TRAPPC12: variants seen among roughly 807,000 people sequenced by gnomAD.
TRAPPC12 encodes the protein trafficking protein particle complex subunit 12.
In TRAPPC12, 61 loss-of-function variants were observed where a neutral mutation model predicts 69.2. That is an observed-to-expected ratio of 0.88 (90% CI 0.72 to 1.09). The LOEUF (loss-of-function observed/expected upper bound fraction) is 1.09, where lower values mean the gene tolerates loss of function less well. Among genes scored for constraint, TRAPPC12 ranks in the 50% least tolerant of loss-of-function variants. TRAPPC12 has a pLI of 0.00. For missense variants in TRAPPC12, 1,101 were observed against 1,016.4 expected, an observed-to-expected ratio of 1.08 and a Z score of -1.13; for synonymous variants, 469 against 438.9, an observed-to-expected ratio of 1.07 and a Z score of -0.86.
At chr2:3,407,838 A>G (rs1028904978) in intron 3 of TRAPPC12, among the ~76,000 whole-genome samples, 11 of 152,148 alleles carry the variant, frequency 7.2e-5, no homozygotes, top group Non-Finnish European at 1.5e-5. Flanking sequence ...GAGGGCCACC[A>G]GGAAGGGGAA....
chr2:3,387,592 G>T, intron 1 of TRAPPC12, 28 bp from the exon 2 acceptor site: 1 of 1,487,152 alleles, frequency 6.7e-7, no homozygotes. Flanking sequence ...ATCACGCTCA[G>T]GGGCCTTCTC....
chr2:3,432,662 C>T (rs956043707), intron 5 of TRAPPC12, among the ~76,000 whole-genome samples: 4 of 152,196 alleles, frequency 2.6e-5, no homozygotes, highest in Admixed American at 2.0e-4. Context: ...TTTATTTGTT[C>T]GGAGAAGGCT....
In TRAPPC12 at chr2:3,388,355, C is replaced by T. The variant is rs1055218864; in HGVS notation, c.732C>T (p.Ala244=). ...GCAATCCCGGCGCGGGCTCCCCGGCCCCCGCCAGCCCGCCTCCCCTCGCTG... is the reference window on the plus strand; with the variant it reads ...GCAATCCCGGCGCGGGCTCCCCGGCTCCCGCCAGCCCGCCTCCCCTCGCTG... ...SVSNPGAGSP[A]PASPPPLAVP... Residue 244 remains alanine, a synonymous_variant, in exon 2 of 12, where the codon GCC becomes GCT. Coordinates refer to ENST00000324266, the MANE Select transcript of TRAPPC12 (RefSeq NM_016030.6). 8.2e-6 allele frequency: 13 copies of T among 1,593,090 alleles called. No individual in the cohort carries two copies. The African/African-American group carries it at 1.8e-4, about 22-fold the overall frequency.
At chr2:3,462,943 C>G (rs939103537) in intron 8 of TRAPPC12, 5 of 471,044 alleles carry the variant, frequency 1.1e-5, no homozygotes, top group Admixed American at 9.4e-5. Context: ...TTCCGTCTTG[C>G]TGAAATTAGA....
chr2:3,405,781 A>T (rs920064604), intron 3 of TRAPPC12, among the ~76,000 whole-genome samples: 2 of 152,236 alleles, frequency 1.3e-5, no homozygotes, highest in African/African-American at 4.8e-5. Context: ...CTATTTTTAA[A>T]AGAAGTATAT....
intron 4 of TRAPPC12, among the ~76,000 whole-genome samples, chr2:3,423,157 C>G (rs542330050): frequency 7.5e-4 from 115 of 152,340 alleles, no homozygotes; most frequent in Non-Finnish European, 1.3e-3. Flanking sequence ...TCCTTTCCAA[C>G]TAGGTCTGAA....
intron 3 of TRAPPC12, among the ~76,000 whole-genome samples, chr2:3,406,322 C>T (rs1482450075): frequency 6.6e-6 from 1 of 152,180 alleles, no homozygotes; most frequent in African/African-American, 2.4e-5. Flanking sequence ...CTCTGGTAGC[C>T]TGTGAACCAC....
chr2:3,410,649 A>C (rs1662006324), intron 3 of TRAPPC12, among the ~76,000 whole-genome samples: 1 of 152,236 alleles, frequency 6.6e-6, no homozygotes, highest in Non-Finnish European at 1.5e-5. Context: ...TTGTTTAAAA[A>C]ATACGTAAGT....
chr2:3,474,865 A>C (rs1221027761), intron 9 of TRAPPC12, among the ~76,000 whole-genome samples: 1 of 151,668 alleles, frequency 6.6e-6, no homozygotes, highest in African/African-American at 2.4e-5. Context: ...ATTATTATGA[A>C]TCTGCCTTAG....
intron 6 of TRAPPC12, chr2:3,449,268 A>G (rs1664720335): frequency 6.6e-6 from 1 of 152,276 alleles, no homozygotes; most frequent in African/African-American, 2.4e-5. Flanking sequence ...AGCCATTTGC[A>G]TAAGTAGACA....
At chr2:3,387,355 G>T (rs559008405) in intron 1 of TRAPPC12, among the ~76,000 whole-genome samples, 1 of 152,096 alleles carries the variant, frequency 6.6e-6, no homozygotes, top group Non-Finnish European at 1.5e-5. Context: ...ATGGGTATAC[G>T]GGGGAATGTT....
At chr2:3,397,075 T>C (rs1661177025) in intron 2 of TRAPPC12, among the ~76,000 whole-genome samples, 1 of 152,246 alleles carries the variant, frequency 6.6e-6, no homozygotes, top group Non-Finnish European at 1.5e-5. Context: ...TTATGTACTT[T>C]TTCTCTTAGT....
Position 3,477,710 on chromosome 2 carries a change from A to G in TRAPPC12, c.1792A>G (p.Thr598Ala). The G allele has an allele frequency of 6.2e-7, 1 of 1,606,472 alleles. No individual in the cohort carries two copies. Among genetic ancestry groups the G allele is most frequent in the East Asian group, 2.2e-5 (1 of 44,814 alleles). ...RISLQIGDIK[T>A]AEKYFQDVEK... ...GTCAAAGCAGATTGGAGACATAAAA[A>G]CAGCTGAAAAGTATTTTCAAGACGT... The change falls in exon 10 of 12, where the codon ACA (threonine) becomes GCA (alanine). Residue 598 changes from threonine (T) to alanine (A), a missense_variant. Thr to Ala is a moderately conservative substitution (Grantham distance 58, BLOSUM62 0). Coordinates refer to ENST00000324266, the MANE Select transcript of TRAPPC12 (RefSeq NM_016030.6).
intron 5 of TRAPPC12, among the ~76,000 whole-genome samples, chr2:3,425,272 TTGG>T (rs1663039784): frequency 6.6e-6 from 1 of 152,214 alleles, no homozygotes; most frequent in Non-Finnish European, 1.5e-5. Flanking sequence ...TGTGCGTCTC[TTGG>T]TGGAGAACCT....
chr2:3,456,040 T>C (rs1665131119), intron 6 of TRAPPC12: 1 of 152,232 alleles, frequency 6.6e-6, no homozygotes, highest in Admixed American at 6.5e-5. Context: ...TCAGTTTCTG[T>C]TCTTATGATC....
At chr2:3,434,177 C>T (rs1663621752) in intron 5 of TRAPPC12, among the ~76,000 whole-genome samples, 1 of 152,226 alleles carries the variant, frequency 6.6e-6, no homozygotes, top group East Asian at 1.9e-4. Flanking sequence ...GGACACGGAC[C>T]TCGTGGCTGT....
intron 3 of TRAPPC12, among the ~76,000 whole-genome samples, chr2:3,404,196 G>T (rs1281300360): frequency 6.6e-6 from 1 of 152,122 alleles, no homozygotes; most frequent in Non-Finnish European, 1.5e-5. Flanking sequence ...GGTGGGGGCT[G>T]TACTCTGCTG....
chr2:3,455,403 G>A (rs560069580), intron 6 of TRAPPC12: 1 of 151,884 alleles, frequency 6.6e-6, no homozygotes, highest in Non-Finnish European at 1.5e-5. Context: ...TTTTTTTAAC[G>A]TACACTTAAA....
chr2:3,460,614 C>T lies in TRAPPC12; in HGVS notation c.1677+278C>T, dbSNP rs539880559. 7.6e-6 allele frequency: 3 copies of T among 393,146 alleles called. No homozygotes were observed. The East Asian group carries it at 1.2e-4, about 16-fold the overall frequency. The allele number at this position is 393,146 out of a possible 1,614,324, so 24.4% of individuals were successfully genotyped here. A position where few individuals can be genotyped will look rare whatever the true frequency, so the allele number is the denominator to read the frequency against. On this transcript the variant is annotated intron_variant, in intron 8 of 11. Coordinates refer to ENST00000324266, the MANE Select transcript of TRAPPC12 (RefSeq NM_016030.6). ...TTTAATTAAAAGTATTGTTCATTTT[C>T]CCCCATTTTTCTCTGAACTCCATCC...
Sources: allele counts gnomAD v4.1 joint callset (sites outside exome capture counted in the v4.1 genomes callset), GRCh38; gene constraint gnomAD v4.1.1; transcripts MANE v1.5; gene names NCBI Gene and HGNC (gene_info 2026-07-23, HGNC 2026-07-21).